The following KIFC3 variants were observed in gnomAD, a reference collection of about 807,000 sequenced individuals.
KIFC3 encodes kinesin-like protein KIFC3.
In KIFC3, 60 loss-of-function variants were observed where a neutral mutation model predicts 101.8. That is an observed-to-expected ratio of 0.59 (90% CI 0.48 to 0.73). The LOEUF is 0.73. Ranked by LOEUF, KIFC3 falls within the 30% of genes least tolerant of loss-of-function variation. The probability of loss-of-function intolerance (pLI) is 0.00; values close to 1 mark genes in which losing one functional copy is unlikely to be tolerated. For synonymous variants in KIFC3, 476 were observed against 482.7 expected, an observed-to-expected ratio of 0.99 and a Z score of 0.18; for missense variants, 966 against 1,137.1, an observed-to-expected ratio of 0.85 and a Z score of 2.16.
In KIFC3 at chr16:57,798,061, T is replaced by C. The variant is rs1555623753; in HGVS notation, c.172+11A>G. 1 of 1,589,984 alleles carries C rather than the reference T, an allele frequency of 6.3e-7. No individual in the cohort carries two copies. Among genetic ancestry groups the C allele is most frequent in the Admixed American group, 1.7e-5 (1 of 57,416 alleles). ...GGGAAATAAAGAGGCATTTTAAAAA[T>C]GCGGACTCACCAGTTCTCAACCTCC... On this transcript the variant is annotated intron_variant, in intron 2 of 19. Coordinates refer to ENST00000445690, the MANE Select transcript of KIFC3 (RefSeq NM_001130100.2).
Position 57,772,217 on chromosome 16 carries a change from C to T in KIFC3, c.381+6G>A. 3.1e-6 allele frequency: 5 copies of T among 1,612,876 alleles called. No individual in the cohort carries two copies. The highest frequency in any genetic ancestry group is 4.2e-6 in the Non-Finnish European group (5 of 1,179,562). ...GCGCTACCCCAGGACAGCCTTGTGGCCTCACCAGCTCAGATCGCAGTCGGC... is the reference window on the plus strand; with the variant it reads ...GCGCTACCCCAGGACAGCCTTGTGGTCTCACCAGCTCAGATCGCAGTCGGC... On this transcript the variant is annotated splice_donor_region_variant and intron_variant, in intron 4 of 19. Transcript: ENST00000445690.
At position 57,760,864 on chromosome 16, in the gene KIFC3, G is replaced by GT. The variant is rs1567927391; in HGVS notation, c.2093dup (p.Asn698LysfsTer37). On this transcript the variant is annotated frameshift_variant, in exon 16 of 20. Coordinates refer to ENST00000445690, the MANE Select transcript of KIFC3 (RefSeq NM_001130100.2). LOFTEE classifies it high-confidence loss of function. ...CGTCCCCCAGAGCCGACAGCGACTT[G>GT]TTGATGTGCTGCGCCTCCCGCAGGC... 6.2e-7 allele frequency: 1 copy of GT among 1,612,772 alleles called. No homozygotes were observed.
chr16:57,783,926 A>G (rs1167022623), intron 3 of KIFC3, among the ~76,000 whole-genome samples: 3 of 152,148 alleles, frequency 2.0e-5, no homozygotes, highest in East Asian at 3.9e-4. Flanking sequence ...CAACCCCCCA[A>G]GGCGCTTGAG....
intron 3 of KIFC3, among the ~76,000 whole-genome samples, chr16:57,786,204 G>A (rs1421243096): frequency 1.3e-5 from 2 of 152,170 alleles, no homozygotes; most frequent in Admixed American, 1.3e-4. Context: ...CACAAAGCCA[G>A]CCCCACACAT....
intron 1 of KIFC3, chr16:57,816,140 T>G: frequency 6.2e-5 from 74 of 1,185,606 alleles, no homozygotes; most frequent in Non-Finnish European, 7.5e-5. Flanking sequence ...ACCTGCTACC[T>G]GAGCTGCTGG....
chr16:57,799,341 A>AT (rs1555624745), intron 1 of KIFC3, among the ~76,000 whole-genome samples: 2 of 152,096 alleles, frequency 1.3e-5, no homozygotes, highest in Non-Finnish European at 1.5e-5. Flanking sequence ...GGGTTTTAAG[A>AT]TTGAGGTGGG....
At chr16:57,771,784 G>C in intron 4 of KIFC3, 98 bp from the exon 5 acceptor site, 1 of 1,379,988 alleles carries the variant, frequency 7.2e-7, no homozygotes, top group Non-Finnish European at 9.7e-7. Context: ...AGGGAAGAGA[G>C]GAGAGGTGTG....
At chr16:57,829,125 A>T (rs1026227529) in intron 1 of KIFC3, among the ~76,000 whole-genome samples, 1 of 152,248 alleles carries the variant, frequency 6.6e-6, no homozygotes, top group Non-Finnish European at 1.5e-5. Context: ...AGAAGGGGAA[A>T]AAATGAACTT....
At chr16:57,770,115 C>T (rs892732417) in intron 7 of KIFC3, among the ~76,000 whole-genome samples, 160 bp from the exon 8 acceptor site, 19 of 152,248 alleles carry the variant, frequency 1.2e-4, no homozygotes, top group Non-Finnish European at 8.8e-5. Context: ...CTCCCTCCCC[C>T]TACAGGGCTG....
chr16:57,765,393 G>T, intron 11 of KIFC3, 66 bp downstream of exon 11: 1 of 1,474,814 alleles, frequency 6.8e-7, no homozygotes, highest in Non-Finnish European at 9.1e-7. Flanking sequence ...CAGCGCCCCC[G>T]CTCCCTGTGA....
At position 57,766,965 on chromosome 16, in the gene KIFC3, C is replaced by G. The variant is rs782622494; in HGVS notation, c.1239G>C (p.Glu413Asp). Residue 413 changes from glutamate to aspartate, a missense_variant, in exon 10 of 20, where the codon GAG (glutamate) becomes GAC (aspartate). Around this residue, in one of 2 missense-constraint regions of KIFC3, gnomAD observed 689 missense variants for 884.6 expected, o/e 0.78. Transcript: ENST00000445690. The part of the protein sequence containing the change: ...VKAEIGQAIE[E>D]VNSNNQELLR... ...GCAGCTCCTGGTTGTTGCTGTTGAC[C>G]TCCTCGATGGCCTGGCCTATCTGGT... is the stretch of plus-strand genomic sequence containing the variant. The G allele has an allele frequency of 1.9e-6, 3 of 1,613,258 alleles. No homozygotes were observed. The highest frequency in any genetic ancestry group is 2.5e-6 in the Non-Finnish European group (3 of 1,179,974).
At position 57,760,841 on chromosome 16, in the gene KIFC3, T is replaced by TC; in HGVS notation, c.2116dup (p.Asp706GlyfsTer29). On this transcript the variant is annotated frameshift_variant, in exon 16 of 20. Coordinates refer to ENST00000445690, the MANE Select transcript of KIFC3 (RefSeq NM_001130100.2). LOFTEE classifies it high-confidence loss of function. ...GCGGGAGCGCAGGGCAGCAATGACG[T>TC]CCCCCAGAGCCGACAGCGACTTGTT... The TC allele has an allele frequency of 6.2e-7, 1 of 1,613,094 alleles. No individual in the cohort carries two copies. Among genetic ancestry groups the TC allele is most frequent in the Non-Finnish European group, 8.5e-7 (1 of 1,179,944 alleles).
At chr16:57,789,731 T>G (rs1345787464) in intron 3 of KIFC3, among the ~76,000 whole-genome samples, 1 of 148,012 alleles carries the variant, frequency 6.8e-6, no homozygotes, top group Admixed American at 6.7e-5. Context: ...TTGTTTTGTT[T>G]TGTTTTCTTT....
At chr16:57,854,227 C>A (rs947280130) in intron 1 of KIFC3, among the ~76,000 whole-genome samples, 1 of 152,184 alleles carries the variant, frequency 6.6e-6, no homozygotes, top group African/African-American at 2.4e-5. Flanking sequence ...CAGGTGTGAG[C>A]CACCATGCCC....
chr16:57,759,029 A>G, intron 19 of KIFC3, 96 bp downstream of exon 19: 1 of 1,540,366 alleles, frequency 6.5e-7, no homozygotes, highest in Non-Finnish European at 8.8e-7. Flanking sequence ...AGCAGGGGCT[A>G]GACCCAGCTC....
At chr16:57,792,228 C>A (rs979417109) in intron 3 of KIFC3, among the ~76,000 whole-genome samples, 1 of 152,132 alleles carries the variant, frequency 6.6e-6, no homozygotes, top group Middle Eastern at 3.2e-3. Context: ...GGGGGGTGGG[C>A]CTTGGCAGCA....
intron 1 of KIFC3, among the ~76,000 whole-genome samples, chr16:57,845,397 C>T (rs1567337971): frequency 6.6e-6 from 1 of 152,190 alleles, no homozygotes; most frequent in African/African-American, 2.4e-5. Flanking sequence ...AATCACGTCA[C>T]TCATCTGCTC....
intron 1 of KIFC3, among the ~76,000 whole-genome samples, chr16:57,826,751 G>C (rs1431471522): frequency 2.6e-5 from 4 of 152,198 alleles, no homozygotes; most frequent in African/African-American, 9.7e-5. Flanking sequence ...AGAGGAAGCT[G>C]ACAGTTTGTT....
At chr16:57,851,202 CG>C (rs1185234233) in intron 1 of KIFC3, among the ~76,000 whole-genome samples, 2 of 151,290 alleles carry the variant, frequency 1.3e-5, no homozygotes, top group African/African-American at 2.4e-5. Flanking sequence ...TTTGTAGAGA[CG>C]GGGGTCTCAT....
Sources: allele counts gnomAD v4.1 joint callset (sites outside exome capture counted in the v4.1 genomes callset), GRCh38; gene constraint gnomAD v4.1.1; regional missense constraint gnomAD v4.1.1; transcripts MANE v1.5; gene names NCBI Gene and HGNC (gene_info 2026-07-23, HGNC 2026-07-21).